The following SPTAN1 variants were observed in gnomAD, a reference collection of about 807,000 sequenced individuals.
SPTAN1 encodes spectrin alpha, non-erythrocytic 1.
SPTAN1 carries 61 observed loss-of-function variants against 331.3 expected under a neutral mutation model. The ratio of observed to expected loss-of-function variants is 0.18; its 90% CI spans 0.15 to 0.23. The LOEUF (loss-of-function observed/expected upper bound fraction) is 0.23, where lower values mean the gene tolerates loss of function less well. Ranked by LOEUF, SPTAN1 falls within the 10% of genes least tolerant of loss-of-function variation. The probability of loss-of-function intolerance (pLI) is 1.00; values close to 1 mark genes in which losing one functional copy is unlikely to be tolerated. For missense variants in SPTAN1, 2,043 were observed against 3,147.9 expected (o/e 0.65, Z 8.40); for synonymous variants, 1,153 against 1,173.9 (o/e 0.98, Z 0.36).
intron 28 of SPTAN1, among the ~76,000 whole-genome samples, 180 bp from the exon 29 acceptor site, chr9:128,604,146 C>G (rs1855522985): frequency 6.6e-6 from 1 of 152,210 alleles, no homozygotes; most frequent in African/African-American, 2.4e-5. Flanking sequence ...TCAAGCACAG[C>G]TAGTTTTGGC....
chr9:128,611,824 C>G lies in SPTAN1; in HGVS notation c.4884C>G (p.Ala1628=). The G allele has an allele frequency of 1.2e-6, 2 of 1,614,118 alleles. No individual in the cohort carries two copies. Among genetic ancestry groups the G allele is most frequent in the Non-Finnish European group, 1.7e-6 (2 of 1,180,030 alleles). The change falls in exon 38 of 57, where the codon GCC becomes GCG. Residue 1628 remains alanine, a synonymous_variant. Coordinates refer to ENST00000372739, the MANE Select transcript of SPTAN1 (RefSeq NM_001130438.3). ...GNSLIERGAC[A]GSEDAVKARL... is the part of the protein sequence containing the mutation. ...CCCTCATTGAACGTGGAGCCTGTGCCGGCAGTGAGGATGCTGTCAAGGTAT... is the reference window on the plus strand; with the variant it reads ...CCCTCATTGAACGTGGAGCCTGTGCGGGCAGTGAGGATGCTGTCAAGGTAT...
chr9:128,607,717 C>A lies in SPTAN1; in HGVS notation c.4146+14C>A, dbSNP rs1328036349. 6.2e-7 allele frequency: 1 copy of A among 1,613,682 alleles called. No homozygotes were observed. Among genetic ancestry groups the A allele is most frequent in the East Asian group, 2.2e-5 (1 of 44,878 alleles). ...GAGCGACACCAGGTGGGTGGACCTGCCTGCTGAGTAGCAAAGACGTGGCTG... is the reference window on the plus strand; with the variant it reads ...GAGCGACACCAGGTGGGTGGACCTGACTGCTGAGTAGCAAAGACGTGGCTG... On this transcript the variant is annotated intron_variant, in intron 32 of 56. Coordinates refer to ENST00000372739, the MANE Select transcript of SPTAN1 (RefSeq NM_001130438.3).
At chr9:128,604,204 T>C in intron 28 of SPTAN1, 122 bp from the exon 29 acceptor site, 2 of 1,018,966 alleles carry the variant, frequency 2.0e-6, no homozygotes, top group South Asian at 1.4e-5. Flanking sequence ...GCGAGGAAGG[T>C]TGGAAACAGG....
chr9:128,609,514 A>C (rs1856327352), intron 36 of SPTAN1, 137 bp from the exon 37 acceptor site: 1 of 950,608 alleles, frequency 1.1e-6, no homozygotes, highest in South Asian at 1.6e-5. Flanking sequence ...AAAAGTCTAT[A>C]GAATCCCCCT....
In SPTAN1 at chr9:128,609,237, T is replaced by C. The variant is rs1314648885; in HGVS notation, c.4711T>C (p.Leu1571=). Residue 1571 remains leucine (L), a synonymous_variant, in exon 36 of 57, where the codon TTG becomes CTG. Coordinates refer to ENST00000372739, the MANE Select transcript of SPTAN1 (RefSeq NM_001130438.3). ...DEIEAWISEK[L]QTASDESYKD... Reference sequence around the variant, plus strand: ...GATTGAGGCTTGGATCAGTGAAAAATTGCAAACAGCGAGTGATGAGTCGTA... The same window carrying C: ...GATTGAGGCTTGGATCAGTGAAAAACTGCAAACAGCGAGTGATGAGTCGTA... 3 of 1,614,038 alleles carry C rather than the reference T, an allele frequency of 1.9e-6. No homozygotes were observed. Among genetic ancestry groups the C allele is most frequent in the East Asian group, 2.2e-5 (1 of 44,898 alleles).
chr9:128,600,097 G>A lies in SPTAN1; in HGVS notation c.3561G>A (p.Lys1187=), dbSNP rs950316530. The change falls in exon 27 of 57, where the codon AAG becomes AAA. Residue 1187 remains lysine, a synonymous_variant. Transcript: ENST00000372739. ...GMMPRDETDS[K]TASPWKSARL... is the part of the protein sequence containing the mutation. The stretch of plus-strand genomic sequence containing the variant: ...TTGAATAGGATGAAACTGATTCCAA[G>A]ACAGCCTCCCCGTGGAAGGTAAGAA... 1 of 1,614,200 alleles carries A rather than the reference G, an allele frequency of 6.2e-7. No individual in the cohort carries two copies. Among genetic ancestry groups the A allele is most frequent in the Non-Finnish European group, 8.5e-7 (1 of 1,180,040 alleles).
chr9:128,631,754 G>A, intron 52 of SPTAN1: 1 of 243,878 alleles, frequency 4.1e-6, no homozygotes, highest in Admixed American at 5.2e-5. Flanking sequence ...TTGAACCCGG[G>A]AGGTTGCAGT....
chr9:128,598,445 G>A lies in SPTAN1; in HGVS notation c.3460G>A (p.Ala1154Thr). 6.2e-7 allele frequency: 1 copy of A among 1,613,444 alleles called. No homozygotes were observed. The highest frequency in any genetic ancestry group is 8.5e-7 in the Non-Finnish European group (1 of 1,179,880). The change falls in exon 25 of 57, where the codon GCT (alanine) becomes ACT (threonine). Residue 1154 changes from alanine (A) to threonine (T), a missense_variant. By Grantham distance (58) the Ala-to-Thr change is moderately conservative (BLOSUM62 0). Coordinates refer to ENST00000372739, the MANE Select transcript of SPTAN1 (RefSeq NM_001130438.3). ...ACGGTTGAAGGACATTAACAAGGTA[G>A]CTGAAGACCTGGAGTCTGAAGGTCT... is the stretch of plus-strand genomic sequence containing the variant. ...ESRLKDINKV[A>T]EDLESEGLMA...
At chr9:128,573,001 T>A (rs1850905352) in intron 3 of SPTAN1, among the ~76,000 whole-genome samples, 1 of 152,228 alleles carries the variant, frequency 6.6e-6, no homozygotes, top group Admixed American at 6.5e-5. Flanking sequence ...TCTAAGAGAA[T>A]CCACCCATGT....
At position 128,633,483 on chromosome 9, in the gene SPTAN1, G is replaced by T; in HGVS notation, c.*149G>T. The T allele has an allele frequency of 2.2e-6, 3 of 1,346,204 alleles. No individual in the cohort carries two copies. The highest frequency in any genetic ancestry group is 3.1e-6 in the Non-Finnish European group (3 of 958,440). 83.4% of individuals were successfully genotyped at this position (1,346,204 alleles called of 1,614,324 possible). On this transcript the variant is annotated 3_prime_UTR_variant, in exon 57 of 57. Coordinates refer to ENST00000372739, the MANE Select transcript of SPTAN1 (RefSeq NM_001130438.3). ...GGAGAAAATGGTGCTTCACTAACCC[G>T]CTTCCGGTCCAGTCACAATCATCAT...
chr9:128,614,969 A>G (rs1308142808), intron 40 of SPTAN1, among the ~76,000 whole-genome samples: 2 of 151,666 alleles, frequency 1.3e-5, no homozygotes, highest in African/African-American at 2.4e-5. Context: ...ATGTTGACAC[A>G]TGTGATTATA....
intron 19 of SPTAN1, among the ~76,000 whole-genome samples, chr9:128,586,822 C>CT (rs35875935): frequency 0.88 from 129,562 of 146,736 alleles, 58,263 homozygotes; most frequent in Non-Finnish European, 0.96. Context: ...TTTTCCTTTT[C>CT]TTTTTTTTTT....
Position 128,633,650 on chromosome 9 carries a change from G to T in SPTAN1, c.*316G>T. On this transcript the variant is annotated 3_prime_UTR_variant, in exon 57 of 57. Coordinates refer to ENST00000372739, the MANE Select transcript of SPTAN1 (RefSeq NM_001130438.3). Reference sequence around the variant, plus strand: ...TTCATGTAAAAGACAAATAAATGATGACTTCCCCCAAAGCTTTGCTTTTCT... The same window carrying T: ...TTCATGTAAAAGACAAATAAATGATTACTTCCCCCAAAGCTTTGCTTTTCT... The T allele has an allele frequency of 2.9e-6, 4 of 1,388,684 alleles. No individual in the cohort carries two copies. The highest frequency in any genetic ancestry group is 1.3e-5 in the South Asian group (1 of 77,372). The allele number at this position is 1,388,684 out of a possible 1,614,324, so 86.0% of individuals were successfully genotyped here. A position where few individuals can be genotyped will look rare whatever the true frequency, so the allele number is the denominator to read the frequency against.
chr9:128,611,928 T>G, intron 38 of SPTAN1, 83 bp downstream of exon 38: 1 of 1,609,120 alleles, frequency 6.2e-7, no homozygotes, highest in Non-Finnish European at 8.5e-7. Flanking sequence ...GGACATACAG[T>G]CTTAAGACAC....
At chr9:128,592,838 C>G (rs1853710743) in intron 22 of SPTAN1, 145 bp from the exon 23 acceptor site, 5 of 761,588 alleles carry the variant, frequency 6.6e-6, no homozygotes, top group Admixed American at 4.0e-5. Context: ...ATGACTTAGA[C>G]TGCTCCTTAG....
At chr9:128,557,194 CTG>C (rs1020786986) in intron 1 of SPTAN1, among the ~76,000 whole-genome samples, 9 of 152,252 alleles carry the variant, frequency 5.9e-5, no homozygotes, top group African/African-American at 2.2e-4. Context: ...TCTTGCAAAA[CTG>C]TATGTCTAGT....
chr9:128,594,643 A>G (rs1189167659), intron 24 of SPTAN1, among the ~76,000 whole-genome samples: 2 of 151,190 alleles, frequency 1.3e-5, no homozygotes, highest in African/African-American at 4.9e-5. Flanking sequence ...TGTTGGCCAG[A>G]CTGGTCTCAA....
Position 128,584,861 on chromosome 9 carries a change from G to A in SPTAN1, c.2560+18G>A. On this transcript the variant is annotated intron_variant, in intron 18 of 56. Coordinates refer to ENST00000372739, the MANE Select transcript of SPTAN1 (RefSeq NM_001130438.3). ...GGAGGAAGGTGAGTGATTGGTATCA[G>A]TGACATGGCTTGGTGCTGCTCCTCG... is the stretch of plus-strand genomic sequence containing the variant. 1.2e-6 allele frequency: 2 copies of A among 1,614,192 alleles called. No homozygotes were observed. Among genetic ancestry groups the A allele is most frequent in the Non-Finnish European group, 1.7e-6 (2 of 1,180,028 alleles).
intron 21 of SPTAN1, 114 bp from the exon 22 acceptor site, chr9:128,591,363 G>A (rs925493717): frequency 5.7e-6 from 8 of 1,404,714 alleles, no homozygotes; most frequent in Non-Finnish European, 8.0e-6. Flanking sequence ...ACTGTGGCCG[G>A]CCGTTTTGGA....
Sources: gnomAD v4.1 joint callset for allele counts (sites outside exome capture counted in the v4.1 genomes callset) on GRCh38, gnomAD v4.1.1 for gene constraint, MANE v1.5 for transcripts, NCBI Gene and HGNC (gene_info 2026-07-23, HGNC 2026-07-21) for gene names.